Variants in MYO3B observed in about 807,000 individuals in gnomAD.
MYO3B encodes the protein myosin-IIIb.
MYO3B carries 156 observed loss-of-function variants against 174.6 expected under a neutral mutation model. The observed-to-expected ratio is 0.89, with a 90% CI of 0.78 to 1.02. The LOEUF is 1.02. MYO3B is among the 50% of genes least tolerant of loss of function. MYO3B has a pLI of 0.00. For synonymous variants in MYO3B, 563 were observed against 569.1 expected (o/e 0.99, Z 0.15); for missense variants, 1,632 against 1,639.4 (o/e 1.00, Z 0.08).
At chr2:170,603,536 A>C (rs1173248047) in intron 32 of MYO3B, among the ~76,000 whole-genome samples, 1 of 152,136 alleles carries the variant, frequency 6.6e-6, no homozygotes, top group Non-Finnish European at 1.5e-5. Flanking sequence ...GATTTCATAG[A>C]TGAAGGAGTC....
chr2:170,478,531 A>G (rs1292415196), intron 25 of MYO3B, among the ~76,000 whole-genome samples: 3 of 92,228 alleles, frequency 3.3e-5, no homozygotes, highest in African/African-American at 9.6e-5. Flanking sequence ...GTACACACAC[A>G]CACACACACA....
chr2:170,625,616 T>C (rs1410268259), intron 32 of MYO3B, among the ~76,000 whole-genome samples: 1 of 152,238 alleles, frequency 6.6e-6, no homozygotes, highest in South Asian at 2.1e-4. Context: ...TGTTTGCTCT[T>C]GCCTCGCTAG....
Position 170,493,834 on chromosome 2 carries a change from G to C in MYO3B, c.3015-4758G>C, listed in dbSNP as rs188967178. ...CAGGCAGTCCCCTGGAGAGGCCCAC[G>C]TGGCAAGGAGCTGAGGCCTCCTGCC... On this transcript the variant is annotated intron_variant, in intron 25 of 34. Coordinates refer to ENST00000408978, the MANE Select transcript of MYO3B (RefSeq NM_138995.5). Among the ~76,000 whole-genome samples the C allele has an allele frequency of 1.2e-3, 182 of 149,762 alleles. 1 individual carries two copies. The Middle Eastern group carries it at 0.014, about 11-fold the overall frequency.
chr2:170,376,945 T>A (rs918738670), intron 9 of MYO3B, among the ~76,000 whole-genome samples: 1 of 152,246 alleles, frequency 6.6e-6, no homozygotes, highest in Non-Finnish European at 1.5e-5. Context: ...CTATTACTTG[T>A]TCTTCATCAT....
At chr2:170,370,618 C>T (rs1168144406) in intron 9 of MYO3B, among the ~76,000 whole-genome samples, 1 of 127,910 alleles carries the variant, frequency 7.8e-6, no homozygotes, top group Non-Finnish European at 1.6e-5. Flanking sequence ...ACCCCTACCA[C>T]CCACCTACAC....
chr2:170,400,408 T>TG, intron 17 of MYO3B, 94 bp downstream of exon 17: 1 of 1,406,078 alleles, frequency 7.1e-7, no homozygotes, highest in Non-Finnish European at 9.5e-7. Context: ...GGTCCTTTTT[T>TG]TTTTTTTTTT....
At chr2:170,261,412 A>G (rs897494390) in intron 7 of MYO3B, among the ~76,000 whole-genome samples, 5 of 152,216 alleles carry the variant, frequency 3.3e-5, no homozygotes, top group Non-Finnish European at 5.9e-5. Flanking sequence ...CAAAACCTGG[A>G]CATGGTGGCG....
In MYO3B at chr2:170,197,018, G is replaced by T. The variant is rs114894056; in HGVS notation, c.3-2190G>T. Reference sequence around the variant, plus strand: ...TCGGTCTTTTGAGATATCTTTTCAGGTTTTTTTTTTTTTTTAAACATGTCT... The same window carrying T: ...TCGGTCTTTTGAGATATCTTTTCAGTTTTTTTTTTTTTTTTAAACATGTCT... On this transcript the variant is annotated intron_variant, in intron 1 of 34. Coordinates refer to ENST00000408978, the MANE Select transcript of MYO3B (RefSeq NM_138995.5). Among the ~76,000 whole-genome samples the T allele has an allele frequency of 3.5e-3, 502 of 144,254 alleles. 8 individuals carry two copies. The highest frequency in any genetic ancestry group is 0.012 in the African/African-American group (484 of 39,050). 94.6% of individuals were successfully genotyped at this position (144,254 alleles called of 152,430 possible).
rs767861524 is a variant in MYO3B, at chr2:170,499,762, A to C, written c.3243A>C (p.Lys1081Asn). 8.9e-5 allele frequency: 144 copies of C among 1,613,992 alleles called. No individual in the cohort carries two copies. The highest frequency in any genetic ancestry group is 1.1e-4 in the Non-Finnish European group (134 of 1,180,002). ...TKGWLGARRY[K>N]RVREKREKGA... Reference sequence around the variant, plus strand: ...GGTGGCTTGGAGCCAGGAGATACAAAAGGGTCAGAGAGAAGAGAGAGAAGG... The same window carrying C: ...GGTGGCTTGGAGCCAGGAGATACAACAGGGTCAGAGAGAAGAGAGAGAAGG... Residue 1081 changes from lysine (K) to asparagine (N), a missense_variant, in exon 27 of 35, where the codon AAA (lysine) becomes AAC (asparagine). Transcript: ENST00000408978.
intron 30 of MYO3B, among the ~76,000 whole-genome samples, chr2:170,537,187 C>G (rs1383356622): frequency 1.6e-5 from 2 of 124,452 alleles, no homozygotes; most frequent in Non-Finnish European, 3.2e-5. Flanking sequence ...GGTGACAGTG[C>G]GAGACTCTGT....
At chr2:170,515,073 G>T in intron 29 of MYO3B, 51 bp downstream of exon 29, 1 of 1,514,750 alleles carries the variant, frequency 6.6e-7, no homozygotes, top group Non-Finnish European at 9.1e-7. Flanking sequence ...GGGGCATTCC[G>T]GAGAAGGTTC....
chr2:170,516,078 C>T (rs1688288069), intron 29 of MYO3B, among the ~76,000 whole-genome samples: 1 of 152,126 alleles, frequency 6.6e-6, no homozygotes, highest in Non-Finnish European at 1.5e-5. Flanking sequence ...TAGGAAGTCA[C>T]AAATAGGAGA....
chr2:170,214,496 A>G lies in MYO3B; in HGVS notation c.426+13A>G. ...CGGGGCCCTCTTGGTAAGAACATCT[A>G]TCAAATGGGGTATGACAGCAGATGG... On this transcript the variant is annotated intron_variant, in intron 4 of 34. Coordinates refer to ENST00000408978, the MANE Select transcript of MYO3B (RefSeq NM_138995.5). 4 of 1,610,608 alleles carry G rather than the reference A, an allele frequency of 2.5e-6. No individual in the cohort carries two copies. Among genetic ancestry groups the G allele is most frequent in the Non-Finnish European group, 3.4e-6 (4 of 1,176,786 alleles).
At chr2:170,472,669 T>TTATCTATC (rs201976360) in intron 25 of MYO3B, among the ~76,000 whole-genome samples, 110 of 142,094 alleles carry the variant, frequency 7.7e-4, no homozygotes, top group Admixed American at 3.9e-3. Flanking sequence ...AGCTCACTTT[T>TTATCTATC]TATCTATTTA....
At chr2:170,227,881 G>A (rs1467144623) in intron 6 of MYO3B, among the ~76,000 whole-genome samples, 4 of 152,072 alleles carry the variant, frequency 2.6e-5, no homozygotes, top group East Asian at 1.9e-4. Flanking sequence ...GGCCTTGAGC[G>A]CATATATCTC....
chr2:170,533,815 GTGTT>G (rs1428169351), intron 30 of MYO3B, among the ~76,000 whole-genome samples: 2 of 152,088 alleles, frequency 1.3e-5, no homozygotes, highest in African/African-American at 4.8e-5. Flanking sequence ...CTTGTCTTGT[GTGTT>G]TATTTTGTTC....
At chr2:170,182,363 T>C (rs1479059708) in intron 1 of MYO3B, among the ~76,000 whole-genome samples, 1 of 152,208 alleles carries the variant, frequency 6.6e-6, no homozygotes, top group East Asian at 1.9e-4. Flanking sequence ...GCATAATTTA[T>C]TGAACAGTAT....
intron 7 of MYO3B, among the ~76,000 whole-genome samples, chr2:170,245,393 A>G (rs1368210337): frequency 6.6e-6 from 1 of 152,234 alleles, no homozygotes; most frequent in East Asian, 1.9e-4. Flanking sequence ...TGCATGAAAC[A>G]TGAGGTTTGA....
chr2:170,593,200 C>G (rs767746634), intron 32 of MYO3B, among the ~76,000 whole-genome samples: 2 of 152,100 alleles, frequency 1.3e-5, no homozygotes, highest in Admixed American at 1.3e-4. Context: ...TGAACTCAAG[C>G]GATCCCCCCA....
Sources: gnomAD v4.1 joint callset for allele counts (sites outside exome capture counted in the v4.1 genomes callset) on GRCh38, gnomAD v4.1.1 for gene constraint, MANE v1.5 for transcripts, NCBI Gene and HGNC (gene_info 2026-07-23, HGNC 2026-07-21) for gene names.